The following ACAA2 variants were observed in gnomAD, a reference collection of about 807,000 sequenced individuals.
The protein encoded by ACAA2 is acetyl-CoA acyltransferase 2, also known as 3-ketoacyl-CoA thiolase, mitochondrial.
In ACAA2, 35 loss-of-function variants were observed where a neutral mutation model predicts 44.8. The observed-to-expected ratio is 0.78, with a 90% CI of 0.60 to 1.04. The LOEUF (loss-of-function observed/expected upper bound fraction) is 1.04. Ranked by LOEUF, ACAA2 falls within the 50% of genes least tolerant of loss-of-function variation. The pLI, the probability that ACAA2 is intolerant of heterozygous loss-of-function variation, is 0.00. For missense variants in ACAA2, 468 were observed against 482.6 expected (o/e 0.97, Z 0.28); for synonymous variants, 142 against 166.5 (o/e 0.85, Z 1.13).
At chr18:49,805,608 C>A (rs1157722128) in intron 1 of ACAA2, among the ~76,000 whole-genome samples, 1 of 151,932 alleles carries the variant, frequency 6.6e-6, no homozygotes, top group Non-Finnish European at 1.5e-5. Context: ...TGTGCCCAGG[C>A]TAGAGTGCAG....
In ACAA2 at chr18:49,782,926, G is replaced by A. The variant is rs921415348; in HGVS notation, c.*921C>T. ...TTAATCTTAATTAAAATTTCCAGTG[G>A]CTCTTTGATGAAGTTAACAAGAATA... On this transcript the variant is annotated 3_prime_UTR_variant, in exon 10 of 10. Transcript: ENST00000285093. The A allele has an allele frequency of 1.3e-5, 2 of 151,978 alleles. No homozygotes were observed. Among genetic ancestry groups the A allele is most frequent in the Admixed American group, 1.3e-4 (2 of 15,254 alleles). 9.4% of individuals were successfully genotyped at this position (151,978 alleles called of 1,614,324 possible). A position where few individuals can be genotyped will look rare whatever the true frequency, so the allele number is the denominator to read the frequency against.
chr18:49,785,256 C>T lies in ACAA2; in HGVS notation c.1050G>A (p.Leu350=). The T allele has an allele frequency of 6.2e-7, 1 of 1,614,140 alleles. No individual in the cohort carries two copies. The highest frequency in any genetic ancestry group is 8.5e-7 in the Non-Finnish European group (1 of 1,180,004). ...ATCCAGATCCTCCCAGTGGGTGACC[C>T]AAAGCAATGGCTCCTCCATTCACAT... ...KTNVNGGAIA[L]GHPLGGSGSR... Residue 350 remains leucine (L), a synonymous_variant, in exon 9 of 10, where the codon TTG becomes TTA. Transcript: ENST00000285093.
At position 49,782,409 on chromosome 18, in the gene ACAA2, T is replaced by A. The variant is rs893466352; in HGVS notation, c.*1438A>T. On this transcript the variant is annotated 3_prime_UTR_variant, in exon 10 of 10. Transcript: ENST00000285093. ...TTTTAATCAAATGAAGGAAACCATA[T>A]AAGCAAAGGGTTGAGGAAACAGTGT... is the stretch of plus-strand genomic sequence containing the variant. 1.3e-5 allele frequency: 2 copies of A among 152,130 alleles called. No individual in the cohort carries two copies. Among genetic ancestry groups the A allele is most frequent in the Non-Finnish European group, 2.9e-5 (2 of 68,042 alleles). The allele number at this position is 152,130 out of a possible 1,614,324, so 9.4% of individuals were successfully genotyped here.
chr18:49,803,668 A>G lies in ACAA2; in HGVS notation c.17-815T>C, dbSNP rs2023582097. On this transcript the variant is annotated intron_variant, in intron 1 of 9. Transcript: ENST00000285093. Reference sequence around the variant, plus strand: ...CACAATGCTAGAAACATATGTTGAGAACTAAAATCCTTCTTCTATGTGCTG... The same window carrying G: ...CACAATGCTAGAAACATATGTTGAGGACTAAAATCCTTCTTCTATGTGCTG... Among the ~76,000 whole-genome samples the G allele has an allele frequency of 2.0e-5, 3 of 152,200 alleles. 1 individual carries two copies. In the South Asian group the frequency reaches 6.2e-4, roughly 32 times the overall value.
intron 3 of ACAA2, 140 bp downstream of exon 3, chr18:49,797,326 G>A (rs1437047443): frequency 1.7e-6 from 1 of 580,688 alleles, no homozygotes; most frequent in East Asian, 3.2e-5. Flanking sequence ...TGGCTGGAGT[G>A]CAGTGGTATG....
At chr18:49,809,328 A>C (rs1377748669) in intron 1 of ACAA2, among the ~76,000 whole-genome samples, 3 of 152,232 alleles carry the variant, frequency 2.0e-5, no homozygotes, top group African/African-American at 7.2e-5. Context: ...TCCTCAGCTT[A>C]CGAAGATAAC....
intron 1 of ACAA2, among the ~76,000 whole-genome samples, chr18:49,809,863 A>G (rs1469468726): frequency 6.6e-6 from 1 of 152,250 alleles, no homozygotes; most frequent in Non-Finnish European, 1.5e-5. Flanking sequence ...TGAATGCAAA[A>G]TATGAACTTC....
intron 8 of ACAA2, 65 bp downstream of exon 8, chr18:49,787,226 T>C (rs1244041427): frequency 7.9e-7 from 1 of 1,268,752 alleles, no homozygotes; most frequent in African/African-American, 1.6e-5. Context: ...TAAAGTCATT[T>C]ATGCTATAAA....
intron 2 of ACAA2, among the ~76,000 whole-genome samples, chr18:49,798,788 T>C (rs962769405): frequency 6.6e-6 from 1 of 152,182 alleles, no homozygotes; most frequent in Non-Finnish European, 1.5e-5. Context: ...ATTTTACAAA[T>C]TAATGTCATT....
At position 49,791,526 on chromosome 18, in the gene ACAA2, A is replaced by C. The variant is rs1414104408; in HGVS notation, c.827T>G (p.Leu276Arg). The C allele has an allele frequency of 6.2e-7, 1 of 1,612,700 alleles. No individual in the cohort carries two copies. Among genetic ancestry groups the C allele is most frequent in the East Asian group, 2.2e-5 (1 of 44,864 alleles). The change falls in exon 7 of 10, where the codon CTG becomes CGG. Residue 276 changes from leucine to arginine, a missense_variant. Leu to Arg is a moderately radical substitution (Grantham distance 102, BLOSUM62 -2). Coordinates refer to ENST00000285093, the MANE Select transcript of ACAA2 (RefSeq NM_006111.3). Reference protein sequence around the residue: ...DAVKKHNFTPLARIVGYFVSG... With the variant: ...DAVKKHNFTPRARIVGYFVSG... ...TACAAAGTAGCCCACAATTCTTGCCAGTGGTGTGAAGTTATGTTTCTTAAC... is the reference window on the plus strand; with the variant it reads ...TACAAAGTAGCCCACAATTCTTGCCCGTGGTGTGAAGTTATGTTTCTTAAC...
chr18:49,795,129 C>CTGGGT (rs572057346), intron 4 of ACAA2, among the ~76,000 whole-genome samples: 189 of 152,286 alleles, frequency 1.2e-3, no homozygotes, highest in African/African-American at 4.5e-3. Flanking sequence ...AGGTGAGAAA[C>CTGGGT]TGGGTGAACA....
intron 1 of ACAA2, among the ~76,000 whole-genome samples, chr18:49,810,914 T>C (rs898667102): frequency 1.1e-4 from 7 of 63,212 alleles, no homozygotes; most frequent in African/African-American, 4.4e-4. Flanking sequence ...GTTATTATTA[T>C]TTTAAATCTT....
chr18:49,801,782 G>A (rs868611913), intron 2 of ACAA2, among the ~76,000 whole-genome samples: 852 of 60,984 alleles, frequency 0.014, 16 homozygotes, highest in African/African-American at 0.052. Flanking sequence ...CACAGAAACT[G>A]ATCATATATA....
intron 7 of ACAA2, among the ~76,000 whole-genome samples, chr18:49,788,533 T>C (rs1238045404): frequency 6.7e-6 from 1 of 148,688 alleles, no homozygotes; most frequent in Non-Finnish European, 1.5e-5. Context: ...GCTACTGATT[T>C]ACTACAGGAT....
At chr18:49,807,059 A>G (rs2023616684) in intron 1 of ACAA2, among the ~76,000 whole-genome samples, 1 of 152,226 alleles carries the variant, frequency 6.6e-6, no homozygotes, top group Non-Finnish European at 1.5e-5. Context: ...ACAACAAAAC[A>G]TCTATATACC....
At chr18:49,787,247 T>G (rs2023340876) in intron 8 of ACAA2, 44 bp downstream of exon 8, 2 of 1,361,532 alleles carry the variant, frequency 1.5e-6, no homozygotes, top group Non-Finnish European at 9.6e-7. Context: ...AGTACATGGT[T>G]TATTCATGTT....
At chr18:49,802,125 A>G (rs940986414) in intron 2 of ACAA2, among the ~76,000 whole-genome samples, 4 of 152,198 alleles carry the variant, frequency 2.6e-5, no homozygotes, top group African/African-American at 9.7e-5. Context: ...AACTTCAAGT[A>G]AGCCAAGGAA....
At position 49,793,244 on chromosome 18, in the gene ACAA2, ACT is replaced by A. The variant is rs544117746; in HGVS notation, c.578-919_578-918del. On this transcript the variant is annotated intron_variant, in intron 5 of 9. Coordinates refer to ENST00000285093, the MANE Select transcript of ACAA2 (RefSeq NM_006111.3). Reference sequence around the variant, plus strand: ...CTTTGACCTCCACTGACTAGAATGTACTGTAGTAATCTATAGCTTTGGAAATA... The same window carrying A: ...CTTTGACCTCCACTGACTAGAATGTAGTAGTAATCTATAGCTTTGGAAATA... 6.6e-4 allele frequency among the ~76,000 whole-genome samples: 100 copies of A among 152,224 alleles called. 1 individual carries two copies. Among genetic ancestry groups the A allele is most frequent in the Non-Finnish European group, 1.3e-3 (86 of 68,034 alleles).
intron 5 of ACAA2, among the ~76,000 whole-genome samples, 199 bp downstream of exon 5, chr18:49,794,077 AACTT>A (rs1384112338): frequency 3.9e-5 from 6 of 152,226 alleles, no homozygotes; most frequent in African/African-American, 1.4e-4. Context: ...AAGTAGTACT[AACTT>A]TTTCAAAAGA....
Sources: allele counts gnomAD v4.1 joint callset (sites outside exome capture counted in the v4.1 genomes callset), GRCh38; gene constraint gnomAD v4.1.1; transcripts MANE v1.5; gene names NCBI Gene and HGNC (gene_info 2026-07-23, HGNC 2026-07-21).